Variants in POFUT2 observed in about 807,000 individuals in gnomAD.
The protein encoded by POFUT2 is GDP-fucose protein O-fucosyltransferase 2.
A neutral mutation model predicts 55.0 loss-of-function variants in POFUT2; 30 were observed. The observed-to-expected ratio is 0.55, with a 90% CI of 0.41 to 0.74. POFUT2 has a LOEUF of 0.74. POFUT2 is among the 30% of genes least tolerant of loss of function. The probability of loss-of-function intolerance (pLI) is 0.00; values close to 1 mark genes in which losing one functional copy is unlikely to be tolerated. For missense variants in POFUT2, 524 were observed against 562.6 expected (o/e 0.93, Z 0.69); for synonymous variants, 267 against 231.1 (o/e 1.16, Z -1.41).
Position 45,284,235 on chromosome 21 carries a change from GGCAGGAACAAA to G in POFUT2, c.383-719_383-709del. On this transcript the variant is annotated intron_variant, in intron 2 of 8. Coordinates refer to ENST00000349485, the MANE Select transcript of POFUT2 (RefSeq NM_133635.6). This position sits in a 1 kb window ranked among gnomAD's most constrained non-coding sequence, Gnocchi z 5.8. The stretch of plus-strand genomic sequence containing the variant: ...GAGCATCGCGCAGGTGAAGTTCTGG[GGCAGGAACAAA>G]GCGGGAGGGAGCATCGCGAAGGTGA... Among the ~76,000 whole-genome samples, 1 of 151,848 alleles carries G rather than the reference GGCAGGAACAAA, an allele frequency of 6.6e-6. No individual in the cohort carries two copies. The highest frequency in any genetic ancestry group is 1.9e-4 in the East Asian group (1 of 5,172).
At chr21:45,271,286 G>A (rs532654071) in intron 6 of POFUT2, among the ~76,000 whole-genome samples, 25 of 152,208 alleles carry the variant, frequency 1.6e-4, no homozygotes, top group African/African-American at 5.5e-4. Flanking sequence ...GACTAGAACA[G>A]GAGAAGAAAG....
rs993554087 is a variant in POFUT2 at position 45,270,351 on chromosome 21, C to T, written c.832-332G>A. Among the ~76,000 whole-genome samples the T allele has an allele frequency of 6.6e-6, 1 of 152,224 alleles. No homozygotes were observed. Among genetic ancestry groups the T allele is most frequent in the Non-Finnish European group, 1.5e-5 (1 of 68,014 alleles). ...ACGTGCCACAAAGAGTTCACGGATCCTGTGGACAAAGCAGCTCACAGCTGC... is the reference window on the plus strand; with the variant it reads ...ACGTGCCACAAAGAGTTCACGGATCTTGTGGACAAAGCAGCTCACAGCTGC... On this transcript the variant is annotated intron_variant, in intron 6 of 8. Transcript: ENST00000349485. This position sits in a 1 kb window ranked among gnomAD's most constrained non-coding sequence, Gnocchi z 4.6.
In POFUT2 at chr21:45,263,936, T is replaced by A. The variant is rs2255774; in HGVS notation, c.*1546A>T. The A allele has an allele frequency of 0.32, 49,117 of 152,158 alleles. 8,208 individuals carry two copies. The highest frequency in any genetic ancestry group is 0.45 in the East Asian group (2,316 of 5,176). 9.4% of individuals were successfully genotyped at this position (152,158 alleles called of 1,614,324 possible). On this transcript the variant is annotated 3_prime_UTR_variant, in exon 9 of 9. Transcript: ENST00000349485. ...AGTCTACACTCCACAGCTACCAACT[T>A]CCATAAAGCAGTTTATTTTTCTTAA...
At chr21:45,272,805 G>A (rs1425149620) in intron 6 of POFUT2, among the ~76,000 whole-genome samples, 2 of 152,080 alleles carry the variant, frequency 1.3e-5, no homozygotes, top group African/African-American at 4.8e-5. Flanking sequence ...TGATCTTTGG[G>A]TCAACAATGA....
rs553482480 is a variant in POFUT2, at chr21:45,284,953, G to A, written c.382+725C>T. Among the ~76,000 whole-genome samples the A allele has an allele frequency of 3.9e-5, 6 of 152,198 alleles. No homozygotes were observed. In the East Asian group the frequency reaches 7.7e-4, roughly 20 times the overall value. On this transcript the variant is annotated intron_variant, in intron 2 of 8. Transcript: ENST00000349485. This position sits in a 1 kb window ranked among gnomAD's most constrained non-coding sequence, Gnocchi z 5.8. ...AACATTTCAGAGTGACAAGATCTAG[G>A]GTGCAACGAGAACCACATCCTTGAA... is the stretch of plus-strand genomic sequence containing the variant.
rs2093157460 is a variant in POFUT2 at position 45,266,619 on chromosome 21, A to AAGTC, written c.1136+967_1136+970dup. The AAGTC allele has an allele frequency of 9.8e-6, 10 of 1,016,570 alleles. No individual in the cohort carries two copies. The South Asian group carries it at 3.8e-4, about 39-fold the overall frequency. 63.0% of individuals were successfully genotyped at this position (1,016,570 alleles called of 1,614,324 possible). The stretch of plus-strand genomic sequence containing the variant: ...CTGCACACCTCCGCCCTGACCTAAG[A>AAGTC]AGTCAGCGCTGCATCCTGTCTGCTT... On this transcript the variant is annotated intron_variant, in intron 8 of 8. Coordinates refer to ENST00000349485, the MANE Select transcript of POFUT2 (RefSeq NM_133635.6).
Position 45,268,592 on chromosome 21 carries a change from A to G in POFUT2, c.1013-879T>C, listed in dbSNP as rs371678735. On this transcript the variant is annotated intron_variant, in intron 7 of 8. Transcript: ENST00000349485. ...TAGGAAGTGAGGAGCGTCTCTGCCC[A>G]GCCGCCCATCGTCTGAGATGTGGGG... Among the ~76,000 whole-genome samples, 209 of 148,010 alleles carry G rather than the reference A, an allele frequency of 1.4e-3. 1 individual carries two copies. Among genetic ancestry groups the G allele is most frequent in the Non-Finnish European group, 2.4e-3 (163 of 67,130 alleles).
Position 45,265,257 on chromosome 21 carries a change from G to A in POFUT2, c.*225C>T, listed in dbSNP as rs1174790065. ...TCACAGACGCTGCCTGAAAACAACCGCCACCCCCGAGAGCAGCGGAGCCTC... is the reference window on the plus strand; with the variant it reads ...TCACAGACGCTGCCTGAAAACAACCACCACCCCCGAGAGCAGCGGAGCCTC... On this transcript the variant is annotated 3_prime_UTR_variant, in exon 9 of 9. Coordinates refer to ENST00000349485, the MANE Select transcript of POFUT2 (RefSeq NM_133635.6). The surrounding 1 kb of genome is among the most constrained non-coding windows in gnomAD (Gnocchi z 4.6). 5 of 403,176 alleles carry A rather than the reference G, an allele frequency of 1.2e-5. No homozygotes were observed. Among genetic ancestry groups the A allele is most frequent in the Non-Finnish European group, 1.8e-5 (4 of 227,032 alleles). The allele number at this position is 403,176 out of a possible 1,614,324, so 25.0% of individuals were successfully genotyped here.
intron 6 of POFUT2, among the ~76,000 whole-genome samples, chr21:45,274,329 G>A (rs746687263): frequency 3.3e-5 from 5 of 152,146 alleles, no homozygotes; most frequent in Non-Finnish European, 7.3e-5. Context: ...AAAAACTAAT[G>A]GAAATACATC....
chr21:45,277,783 G>T lies in POFUT2; in HGVS notation c.705+320C>A, dbSNP rs907424358. 11 of 400,000 alleles carry T rather than the reference G, an allele frequency of 2.8e-5. No homozygotes were observed. Among genetic ancestry groups the T allele is most frequent in the Non-Finnish European group, 4.6e-5 (10 of 219,644 alleles). The allele number at this position is 400,000 out of a possible 1,614,324, so 24.8% of individuals were successfully genotyped here. On this transcript the variant is annotated intron_variant, in intron 5 of 8. Coordinates refer to ENST00000349485, the MANE Select transcript of POFUT2 (RefSeq NM_133635.6). The surrounding 1 kb of genome is among the most constrained non-coding windows in gnomAD (Gnocchi z 6.9). ...GTCCCACCTTTCAAAGCTAAAGAGA[G>T]GAGAAAGGAGGGGTCTACGTTCCAG...
In POFUT2 at chr21:45,266,171, C is replaced by A. The variant is rs1196545130; in HGVS notation, c.1137-536G>T. 44 of 1,367,144 alleles carry A rather than the reference C, an allele frequency of 3.2e-5. No homozygotes were observed. In the East Asian group the frequency reaches 1.0e-3, roughly 32 times the overall value. The allele number at this position is 1,367,144 out of a possible 1,614,324, so 84.7% of individuals were successfully genotyped here. A position where few individuals can be genotyped will look rare whatever the true frequency, so the allele number is the denominator to read the frequency against. ...CTCCAGACCTCAGGTCAGCGGCCTG[C>A]CCGTTCCTCCGGCTCCTGCGCAGCT... On this transcript the variant is annotated intron_variant, in intron 8 of 8. Coordinates refer to ENST00000349485, the MANE Select transcript of POFUT2 (RefSeq NM_133635.6).
intron 6 of POFUT2, 37 bp downstream of exon 6, chr21:45,276,980 T>C: frequency 1.9e-6 from 3 of 1,609,790 alleles, no homozygotes; most frequent in East Asian, 4.5e-5. Flanking sequence ...AGAGAGACTT[T>C]ACCTTTTCTC....
rs115440615 is a variant in POFUT2, at chr21:45,265,381, C to T, written c.*101G>A. 923 of 1,119,272 alleles carry T rather than the reference C, an allele frequency of 8.2e-4. 7 individuals are homozygous for T. The African/African-American group carries it at 0.013, about 16-fold the overall frequency. The allele number at this position is 1,119,272 out of a possible 1,614,324, so 69.3% of individuals were successfully genotyped here. On this transcript the variant is annotated 3_prime_UTR_variant, in exon 9 of 9. Transcript: ENST00000349485. This position sits in a 1 kb window ranked among gnomAD's most constrained non-coding sequence, Gnocchi z 4.6. ...GGGACCCTGCGAGGGACGGTCCTGT[C>T]CGCCCAGCTCCCGGCTGGCAGTAGA...
At chr21:45,274,303 A>G (rs1204277984) in intron 6 of POFUT2, among the ~76,000 whole-genome samples, 2 of 152,238 alleles carry the variant, frequency 1.3e-5, no homozygotes, top group African/African-American at 4.8e-5. Context: ...CACTGCTGAA[A>G]GAATTCATAG....
In POFUT2 at chr21:45,277,284, A is replaced by C; in HGVS notation, c.706-142T>G. 8.8e-7 allele frequency: 1 copy of C among 1,137,374 alleles called. No homozygotes were observed. The allele number at this position is 1,137,374 out of a possible 1,614,324, so 70.5% of individuals were successfully genotyped here. On this transcript the variant is annotated intron_variant, in intron 5 of 8. Coordinates refer to ENST00000349485, the MANE Select transcript of POFUT2 (RefSeq NM_133635.6). This position sits in a 1 kb window ranked among gnomAD's most constrained non-coding sequence, Gnocchi z 6.9. ...ACACGTCATCCACGGTCGCCTGAGAAGCAGCGCCATCCACGGTGGAGGCTC... is the reference window on the plus strand; with the variant it reads ...ACACGTCATCCACGGTCGCCTGAGACGCAGCGCCATCCACGGTGGAGGCTC...
In POFUT2 at chr21:45,283,356, G is replaced by A. The variant is rs200518917; in HGVS notation, c.527+27C>T. 44 of 1,556,980 alleles carry A rather than the reference G, an allele frequency of 2.8e-5. 1 individual carries two copies. Among genetic ancestry groups the A allele is most frequent in the Middle Eastern group, 2.0e-4 (1 of 4,976 alleles). The stretch of plus-strand genomic sequence containing the variant: ...CAGGGGGAGGTGGGGGGGCACCTGC[G>A]GCAGGGGGAGCAGCCTCAGCAGGCA... On this transcript the variant is annotated intron_variant, in intron 3 of 8. Coordinates refer to ENST00000349485, the MANE Select transcript of POFUT2 (RefSeq NM_133635.6).
intron 6 of POFUT2, among the ~76,000 whole-genome samples, chr21:45,275,748 T>C (rs541498196): frequency 6.6e-6 from 1 of 150,752 alleles, no homozygotes; most frequent in African/African-American, 2.4e-5. Context: ...AGGGGAAGAG[T>C]GGAGGGGGTG....
intron 2 of POFUT2, 86 bp from the exon 3 acceptor site, chr21:45,283,613 T>TTAC: frequency 1.5e-6 from 2 of 1,373,276 alleles, no homozygotes; most frequent in South Asian, 2.5e-5. Flanking sequence ...CAGCTGACTC[T>TTAC]TACTACTGTA....
At chr21:45,271,986 G>GAA (rs2093222966) in intron 6 of POFUT2, among the ~76,000 whole-genome samples, 1 of 152,088 alleles carries the variant, frequency 6.6e-6, no homozygotes, top group East Asian at 1.9e-4. Context: ...ACAACGCAAT[G>GAA]AAAAAGAAAG....
Sources: gnomAD v4.1 joint callset for allele counts (sites outside exome capture counted in the v4.1 genomes callset) on GRCh38, gnomAD v4.1.1 for gene constraint, Gnocchi (gnomAD v3.1) non-coding constraint, MANE v1.5 for transcripts, NCBI Gene and HGNC (gene_info 2026-07-23, HGNC 2026-07-21) for gene names.